Variants in HP1BP3 observed in about 807,000 individuals in gnomAD.
HP1BP3 encodes the protein heterochromatin protein 1-binding protein 3.
HP1BP3 carries 12 observed loss-of-function variants against 62.5 expected under a neutral mutation model. That is an observed-to-expected ratio of 0.19 (90% CI 0.12 to 0.31). The LOEUF is 0.31. Ranked by LOEUF, HP1BP3 falls within the 10% of genes least tolerant of loss-of-function variation. The pLI is 1.00. For synonymous variants in HP1BP3, 260 were observed against 237.8 expected, an observed-to-expected ratio of 1.09 and a Z score of -0.86; for missense variants, 502 against 651.8, an observed-to-expected ratio of 0.77 and a Z score of 2.50.
At chr1:20,780,249 A>G in intron 2 of HP1BP3, 96 bp downstream of exon 2, 4 of 867,494 alleles carry the variant, frequency 4.6e-6, no homozygotes, top group Non-Finnish European at 7.8e-6. Context: ...TAGACTCCCC[A>G]AAGTAAGGGA....
chr1:20,776,023 A>T, intron 4 of HP1BP3: 2 of 1,496,946 alleles, frequency 1.3e-6, no homozygotes, highest in Middle Eastern at 2.1e-4. Context: ...AAAAAAAAAA[A>T]AAAAATTAAA....
Position 20,743,921 on chromosome 1 carries a change from T to C in HP1BP3, c.*876A>G, listed in dbSNP as rs999197373. The C allele has an allele frequency of 2.0e-5, 3 of 151,652 alleles. No individual in the cohort carries two copies. The highest frequency in any genetic ancestry group is 2.9e-5 in the Non-Finnish European group (2 of 67,936). The allele number at this position is 151,652 out of a possible 1,614,324, so 9.4% of individuals were successfully genotyped here. On this transcript the variant is annotated 3_prime_UTR_variant, in exon 13 of 13. Coordinates refer to ENST00000438032, the MANE Select transcript of HP1BP3 (RefSeq NM_001372052.1). Reference sequence around the variant, plus strand: ...CATCTCTACTAAAAATACAAAAAAATTGCCAGGCGTGGTGGTACACACCTG... The same window carrying C: ...CATCTCTACTAAAAATACAAAAAAACTGCCAGGCGTGGTGGTACACACCTG...
rs1490293968 is a variant in HP1BP3 at position 20,744,670 on chromosome 1, C to G, written c.*127G>C. The G allele has an allele frequency of 1.1e-6, 1 of 881,928 alleles. No homozygotes were observed. Among genetic ancestry groups the G allele is most frequent in the African/African-American group, 1.7e-5 (1 of 59,470 alleles). 54.6% of individuals were successfully genotyped at this position (881,928 alleles called of 1,614,324 possible). A position where few individuals can be genotyped will look rare whatever the true frequency, so the allele number is the denominator to read the frequency against. ...GCCTAAACTGGTTTATTTAGAGTCC[C>G]TCCCCACAATGTTCATAGGGGAGGA... On this transcript the variant is annotated 3_prime_UTR_variant, in exon 13 of 13. Transcript: ENST00000438032.
Position 20,740,466 on chromosome 1 carries a change from G to A in HP1BP3, c.*4331C>T, listed in dbSNP as rs2055052213. Among the ~76,000 whole-genome samples the A allele has an allele frequency of 6.6e-6, 1 of 152,200 alleles. No homozygotes were observed. Among genetic ancestry groups the A allele is most frequent in the Non-Finnish European group, 1.5e-5 (1 of 68,040 alleles). Reference sequence around the variant, plus strand: ...AGCTGATAAAATTAAATCATCAAAGGTAGAAAGTTTTCCAACAGGAAAAAA... The same window carrying A: ...AGCTGATAAAATTAAATCATCAAAGATAGAAAGTTTTCCAACAGGAAAAAA... On this transcript the variant is annotated 3_prime_UTR_variant, in exon 13 of 13. Coordinates refer to ENST00000438032, the MANE Select transcript of HP1BP3 (RefSeq NM_001372052.1).
At chr1:20,775,678 A>G (rs1005038307) in intron 4 of HP1BP3, 1 of 263,320 alleles carries the variant, frequency 3.8e-6, no homozygotes, top group Admixed American at 5.3e-5. Flanking sequence ...CTTTTATATT[A>G]TATTTTTACT....
intron 7 of HP1BP3, 143 bp from the exon 8 acceptor site, chr1:20,765,674 A>C (rs1367228323): frequency 1.1e-5 from 7 of 661,238 alleles, no homozygotes; most frequent in Non-Finnish European, 1.8e-5. Flanking sequence ...GGACAGCATT[A>C]AAAATACATA....
At chr1:20,767,780 A>C in intron 6 of HP1BP3, 116 bp from the exon 7 acceptor site, 2 of 525,612 alleles carry the variant, frequency 3.8e-6, no homozygotes, top group Admixed American at 3.7e-5. Flanking sequence ...TCTTCAGAGA[A>C]AAAAAAAAAA....
At chr1:20,763,698 C>T (rs2056612854) in intron 8 of HP1BP3, among the ~76,000 whole-genome samples, 1 of 152,082 alleles carries the variant, frequency 6.6e-6, no homozygotes, top group Non-Finnish European at 1.5e-5. Context: ...TACAACTGAG[C>T]AAATGTGACA....
chr1:20,760,090 T>G (rs1237074529), intron 8 of HP1BP3, among the ~76,000 whole-genome samples: 1 of 152,010 alleles, frequency 6.6e-6, no homozygotes, highest in Admixed American at 6.6e-5. Flanking sequence ...GGTTTCACCA[T>G]GTTGGCCAGG....
At position 20,743,370 on chromosome 1, in the gene HP1BP3, C is replaced by A. The variant is rs1347368729; in HGVS notation, c.*1427G>T. The A allele has an allele frequency of 6.6e-6, 1 of 152,338 alleles. No homozygotes were observed. The highest frequency in any genetic ancestry group is 1.5e-5 in the Non-Finnish European group (1 of 68,008). The allele number at this position is 152,338 out of a possible 1,614,324, so 9.4% of individuals were successfully genotyped here. ...TAAAAAATATATTTAAACATATGAT[C>A]AAGAAGATTTGGGCCGTGAGTGGTA... On this transcript the variant is annotated 3_prime_UTR_variant, in exon 13 of 13. Transcript: ENST00000438032.
intron 6 of HP1BP3, among the ~76,000 whole-genome samples, chr1:20,768,195 C>T (rs1169513234): frequency 1.3e-5 from 2 of 152,168 alleles, no homozygotes; most frequent in Admixed American, 6.5e-5. Context: ...GCCTGTAATC[C>T]CAGCACTTTG....
intron 4 of HP1BP3, chr1:20,775,413 G>A (rs1027942479): frequency 1.3e-5 from 2 of 152,206 alleles, no homozygotes; most frequent in African/African-American, 4.8e-5. Flanking sequence ...AGCTTCCTAA[G>A]TAGCTAGGGC....
At chr1:20,782,330 T>C (rs940944593) in intron 1 of HP1BP3, among the ~76,000 whole-genome samples, 3 of 151,180 alleles carry the variant, frequency 2.0e-5, no homozygotes, top group African/African-American at 7.3e-5. Flanking sequence ...ACACCTGTAA[T>C]CCCAGCACTT....
At chr1:20,751,303 T>A (rs1029306512) in intron 9 of HP1BP3, among the ~76,000 whole-genome samples, 1 of 152,144 alleles carries the variant, frequency 6.6e-6, no homozygotes, top group African/African-American at 2.4e-5. Context: ...TATGATTTTT[T>A]TTTTTTACTG....
In HP1BP3 at chr1:20,776,968, G is replaced by C. The variant is rs142897410; in HGVS notation, c.197-218C>G. The stretch of plus-strand genomic sequence containing the variant: ...TTATTTATCTATTATTAGAAAAATA[G>C]ACCAGGAAATTACATAGAAAGGAAA... On this transcript the variant is annotated intron_variant, in intron 3 of 12. Transcript: ENST00000438032. Among the ~76,000 whole-genome samples, 65 of 152,248 alleles carry C rather than the reference G, an allele frequency of 4.3e-4. 1 individual carries two copies. Among genetic ancestry groups the C allele is most frequent in the African/African-American group, 1.4e-3 (59 of 41,560 alleles).
At chr1:20,771,819 A>G (rs2057074195) in intron 5 of HP1BP3, among the ~76,000 whole-genome samples, 1 of 152,216 alleles carries the variant, frequency 6.6e-6, no homozygotes, top group South Asian at 2.1e-4. Context: ...AGCATCTGTC[A>G]TTTATCTAAT....
intron 8 of HP1BP3, among the ~76,000 whole-genome samples, chr1:20,761,816 A>C (rs563729468): frequency 6.6e-6 from 1 of 152,338 alleles, no homozygotes; most frequent in Non-Finnish European, 1.5e-5. Flanking sequence ...AAGGGTAAAA[A>C]GGTTACAGAA....
In HP1BP3 at chr1:20,783,672, A is replaced by G. The variant is rs545076070; in HGVS notation, c.-100-3132T>C. ...TTAGTCCCAGCTACTCGGGAGGCTC[A>G]GGCAGGAGAATCACTTGAACCCGGG... On this transcript the variant is annotated intron_variant, in intron 1 of 12. Coordinates refer to ENST00000438032, the MANE Select transcript of HP1BP3 (RefSeq NM_001372052.1). 3.5e-4 allele frequency among the ~76,000 whole-genome samples: 53 copies of G among 150,242 alleles called. No homozygotes were observed. In the South Asian group the frequency reaches 0.011, roughly 30 times the overall value.
At chr1:20,774,585 C>G (rs899250203) in intron 4 of HP1BP3, 3 of 152,180 alleles carry the variant, frequency 2.0e-5, no homozygotes, top group Non-Finnish European at 4.4e-5. Context: ...CCTCCTATTA[C>G]CTGGTTAACA....
Sources: gnomAD v4.1 joint callset for allele counts (sites outside exome capture counted in the v4.1 genomes callset) on GRCh38, gnomAD v4.1.1 for gene constraint, MANE v1.5 for transcripts, NCBI Gene and HGNC (gene_info 2026-07-23, HGNC 2026-07-21) for gene names.